The following KCNG2 variants were observed in gnomAD, a reference collection of about 807,000 sequenced individuals.
KCNG2 encodes the protein potassium voltage-gated channel modifier subfamily G member 2.
A neutral mutation model predicts 12.3 loss-of-function variants in KCNG2; 7 were observed. That is an observed-to-expected ratio of 0.57 (90% CI 0.32 to 1.07). The LOEUF (loss-of-function observed/expected upper bound fraction) is 1.07, where lower values mean the gene tolerates loss of function less well. KCNG2 is among the 50% of genes least tolerant of loss of function. KCNG2 has a pLI of 0.04. For missense variants in KCNG2, 703 were observed against 726.0 expected (o/e 0.97, Z 0.36); for synonymous variants, 414 against 351.4 (o/e 1.18, Z -1.99).
At chr18:79,813,563 T>C (rs2087507821) in intron 1 of KCNG2, among the ~76,000 whole-genome samples, 1 of 152,176 alleles carries the variant, frequency 6.6e-6, no homozygotes, top group Non-Finnish European at 1.5e-5. Flanking sequence ...GGAGGGAGGA[T>C]GGAGAAGCTT....
At chr18:79,866,807 T>TGCTGAGAGGTCTGGGTGCTGAGGTCTGG (rs1979593710) in intron 3 of KCNG2, among the ~76,000 whole-genome samples, 2 of 13,174 alleles carry the variant, frequency 1.5e-4, no homozygotes. Flanking sequence ...CTGAGGTCTG[T>TGCTGAGAGGTCTGGGTGCTGAGGTCTGG]GTGTCTGTGT....
rs146794516 is a variant in KCNG2, at chr18:79,874,375, C to T, written c.624+10084C>T. Among the ~76,000 whole-genome samples the T allele has an allele frequency of 2.6e-3, 390 of 152,268 alleles. 1 individual carries two copies. The highest frequency in any genetic ancestry group is 4.4e-3 in the Non-Finnish European group (300 of 68,022). On this transcript the variant is annotated intron_variant, in intron 3 of 3. Transcript: ENST00000316249. ...AGGAGCAGCACCGTCACAGCGGAGG[C>T]GAAGAAAGGAGTGAACGGGGCACAC...
rs1365490841 is a variant in KCNG2, at chr18:79,899,635, C to T, written c.1220C>T (p.Thr407Ile). 6.2e-7 allele frequency: 1 copy of T among 1,604,150 alleles called. No homozygotes were observed. Among genetic ancestry groups the T allele is most frequent in the Non-Finnish European group, 8.5e-7 (1 of 1,175,434 alleles). Residue 407 changes from threonine (T) to isoleucine (I), a missense_variant, in exon 4 of 4, where the codon ACC becomes ATC. Thr to Ile is a moderately conservative substitution (Grantham distance 89). Coordinates refer to ENST00000316249, the MANE Select transcript of KCNG2 (RefSeq NM_012283.2). ...TTCCCGGTCACCTCCATCTTCCACA[C>T]CTTTTCGCGCTCCTACTCCGAGCTC... Reference protein sequence around the residue: ...MAFPVTSIFHTFSRSYSELKE... With the variant: ...MAFPVTSIFHIFSRSYSELKE...
At chr18:79,888,287 A>C (rs1448662455) in intron 3 of KCNG2, among the ~76,000 whole-genome samples, 2 of 152,122 alleles carry the variant, frequency 1.3e-5, no homozygotes, top group African/African-American at 4.8e-5. Context: ...CTGTGCCAAC[A>C]GGCTGCAGAC....
chr18:79,879,800 G>A (rs531906869), intron 3 of KCNG2, among the ~76,000 whole-genome samples: 6 of 152,226 alleles, frequency 3.9e-5, no homozygotes, highest in Admixed American at 6.5e-5. Flanking sequence ...GTGTCAAGGC[G>A]TCTCATCCTG....
In KCNG2 at chr18:79,863,754, C is replaced by T; in HGVS notation, c.87C>T (p.Arg29=). ...VIINVGGCRV[R]LAWAALARCP... ...TCAACGTGGGCGGCTGCCGCGTGCGCCTGGCATGGGCCGCGCTGGCGCGAT... is the reference window on the plus strand; with the variant it reads ...TCAACGTGGGCGGCTGCCGCGTGCGTCTGGCATGGGCCGCGCTGGCGCGAT... The change falls in exon 3 of 4, where the codon CGC becomes CGT. Residue 29 remains arginine (R), a synonymous_variant. Transcript: ENST00000316249. 8.3e-7 allele frequency: 1 copy of T among 1,209,024 alleles called. No homozygotes were observed. Among genetic ancestry groups the T allele is most frequent in the Non-Finnish European group, 1.0e-6 (1 of 971,670 alleles). 74.9% of individuals were successfully genotyped at this position (1,209,024 alleles called of 1,614,324 possible). A position where few individuals can be genotyped will look rare whatever the true frequency, so the allele number is the denominator to read the frequency against.
chr18:79,848,489 G>A (rs1389548252), intron 1 of KCNG2, among the ~76,000 whole-genome samples: 1 of 152,192 alleles, frequency 6.6e-6, no homozygotes, highest in East Asian at 1.9e-4. Flanking sequence ...CTCAGTGTCG[G>A]CCTCTCCCCT....
chr18:79,827,923 CT>C (rs1568248071), intron 1 of KCNG2, among the ~76,000 whole-genome samples: 1 of 129,692 alleles, frequency 7.7e-6, no homozygotes, highest in African/African-American at 2.7e-5. Context: ...TTCTTTCTTT[CT>C]TTCTTTTTTT....
chr18:79,834,564 A>C (rs566491114), intron 1 of KCNG2, among the ~76,000 whole-genome samples: 2 of 152,368 alleles, frequency 1.3e-5, no homozygotes, highest in Non-Finnish European at 2.9e-5. Context: ...CTGGGAGCCC[A>C]CGCTATTTAA....
intron 1 of KCNG2, among the ~76,000 whole-genome samples, chr18:79,823,773 C>T (rs2087590513): frequency 6.6e-6 from 1 of 152,180 alleles, no homozygotes; most frequent in South Asian, 2.1e-4. Context: ...TGTCCAACTC[C>T]ATAAAATAGC....
intron 1 of KCNG2, among the ~76,000 whole-genome samples, chr18:79,843,333 C>A (rs1381024691): frequency 6.6e-6 from 1 of 152,150 alleles, no homozygotes; most frequent in African/African-American, 2.4e-5. Flanking sequence ...ACTAAATCTG[C>A]CTTACCAGAA....
chr18:79,876,511 G>T (rs1364638072), intron 3 of KCNG2, among the ~76,000 whole-genome samples: 1 of 152,230 alleles, frequency 6.6e-6, no homozygotes, highest in Admixed American at 6.5e-5. Flanking sequence ...GTGCTGAGCC[G>T]TTGTTCGACC....
chr18:79,863,435 G>A (rs1396836374), intron 2 of KCNG2, among the ~76,000 whole-genome samples, 193 bp from the exon 3 acceptor site: 2 of 152,236 alleles, frequency 1.3e-5, no homozygotes, highest in Non-Finnish European at 2.9e-5. Context: ...GGGGTCCGCT[G>A]GACGCTTGAG....
intron 1 of KCNG2, among the ~76,000 whole-genome samples, chr18:79,805,106 T>A (rs1454662511): frequency 6.6e-6 from 1 of 152,246 alleles, no homozygotes; most frequent in South Asian, 2.1e-4. Context: ...TTGTTGATGT[T>A]CCAAATACCA....
chr18:79,894,978 T>C (rs144453149), intron 3 of KCNG2, among the ~76,000 whole-genome samples: 2 of 150,838 alleles, frequency 1.3e-5, no homozygotes, highest in African/African-American at 5.0e-5. Context: ...CTGTCTGCTT[T>C]AGATTGGGTT....
intron 3 of KCNG2, among the ~76,000 whole-genome samples, chr18:79,887,722 C>T (rs1980580614): frequency 6.6e-6 from 1 of 152,222 alleles, no homozygotes; most frequent in Non-Finnish European, 1.5e-5. Context: ...TGCACCCGGA[C>T]ACGTTGCCAG....
intron 1 of KCNG2, among the ~76,000 whole-genome samples, chr18:79,829,202 G>A (rs1213249098): frequency 6.7e-6 from 1 of 149,874 alleles, no homozygotes; most frequent in Non-Finnish European, 1.5e-5. Flanking sequence ...CTGTGTGTGG[G>A]TGTCTATGTG....
intron 3 of KCNG2, among the ~76,000 whole-genome samples, chr18:79,865,250 G>GC (rs1284778954): frequency 2.6e-4 from 36 of 136,456 alleles, no homozygotes; most frequent in African/African-American, 9.5e-4. Context: ...GAGTGTGGGT[G>GC]CTGAGGTCTG....
intron 3 of KCNG2, among the ~76,000 whole-genome samples, chr18:79,896,601 T>G (rs1340260508): frequency 6.6e-6 from 1 of 152,260 alleles, no homozygotes; most frequent in African/African-American, 2.4e-5. Flanking sequence ...ACATCTTATT[T>G]TTATACAGTT....
Sources: gnomAD v4.1 joint callset for allele counts (sites outside exome capture counted in the v4.1 genomes callset) on GRCh38, gnomAD v4.1.1 for gene constraint, MANE v1.5 for transcripts, NCBI Gene and HGNC (gene_info 2026-07-23, HGNC 2026-07-21) for gene names.